Variants in INSR observed in about 807,000 individuals in gnomAD.
The protein encoded by INSR is IR.
INSR carries 67 observed loss-of-function variants against 142.6 expected under a neutral mutation model. That is an observed-to-expected ratio of 0.47 (90% CI 0.39 to 0.58). The LOEUF (loss-of-function observed/expected upper bound fraction) is 0.58, where lower values mean the gene tolerates loss of function less well. Ranked by LOEUF, INSR falls within the 20% of genes least tolerant of loss-of-function variation. INSR has a pLI of 0.00. For missense variants in INSR, 1,248 were observed against 1,833.2 expected, an observed-to-expected ratio of 0.68 and a Z score of 5.83; for synonymous variants, 756 against 743.1, an observed-to-expected ratio of 1.02 and a Z score of -0.28.
chr19:7,239,462 C>A (rs1976271747), intron 2 of INSR, among the ~76,000 whole-genome samples: 1 of 152,116 alleles, frequency 6.6e-6, no homozygotes, highest in Non-Finnish European at 1.5e-5. Context: ...TTTCCTGCAG[C>A]CTTGCCCACA....
rs9789298 is a variant in INSR, at chr19:7,142,671, C to T, written c.2542+145G>A. ...TCGCACCACTGTACTCCAGCCTGGG[C>T]GACAGAGCAAGGCTCCGTCTCAAAC... On this transcript the variant is annotated intron_variant, in intron 12 of 21. Transcript: ENST00000302850. 3,026 of 984,792 alleles carry T rather than the reference C, an allele frequency of 3.1e-3. 120 individuals carry two copies. In the East Asian group the frequency reaches 0.063, roughly 21 times the overall value. The allele number at this position is 984,792 out of a possible 1,614,324, so 61.0% of individuals were successfully genotyped here. A position where few individuals can be genotyped will look rare whatever the true frequency, so the allele number is the denominator to read the frequency against.
At chr19:7,117,466 C>T (rs1972364301) in intron 21 of INSR, 56 bp from the exon 22 acceptor site, 2 of 1,337,194 alleles carry the variant, frequency 1.5e-6, no homozygotes, top group Non-Finnish European at 2.1e-6. Context: ...CACGCATCCT[C>T]CCAAACCCCC....
chr19:7,130,497 G>C (rs1972748730), intron 14 of INSR, among the ~76,000 whole-genome samples: 1 of 152,170 alleles, frequency 6.6e-6, no homozygotes, highest in South Asian at 2.1e-4. Context: ...GGATCATGGA[G>C]GCGGTTTCTA....
rs72549233 is a variant in INSR at position 7,174,557 on chromosome 19, C to T, written c.1123+26G>A. On this transcript the variant is annotated intron_variant, in intron 4 of 21. Coordinates refer to ENST00000302850, the MANE Select transcript of INSR (RefSeq NM_000208.4). Reference sequence around the variant, plus strand: ...AGGGACATGGAGCCCAACAGGCACCCCCGACGCCCACACAGAGACACTCAC... The same window carrying T: ...AGGGACATGGAGCCCAACAGGCACCTCCGACGCCCACACAGAGACACTCAC... The T allele has an allele frequency of 3.8e-5, 61 of 1,612,926 alleles. No homozygotes were observed. The African/African-American group carries it at 6.2e-4, about 16-fold the overall frequency.
At chr19:7,173,659 G>A (rs1464304172) in intron 4 of INSR, among the ~76,000 whole-genome samples, 7 of 118,806 alleles carry the variant, frequency 5.9e-5, no homozygotes, top group Admixed American at 5.8e-4. Context: ...TCACTCTGTC[G>A]CCCAGGCTAG....
At chr19:7,197,593 T>TCAGATTCCAGAGTGGGA (rs1974800744) in intron 2 of INSR, among the ~76,000 whole-genome samples, 1 of 132,102 alleles carries the variant, frequency 7.6e-6, no homozygotes, top group East Asian at 2.3e-4. Context: ...TGTGTGTGTG[T>TCAGATTCCAGAGTGGGA]GTGTGTCAGA....
intron 3 of INSR, 41 bp from the exon 4 acceptor site, chr19:7,174,772 G>T: frequency 6.2e-7 from 1 of 1,600,202 alleles, no homozygotes. Flanking sequence ...GAAAGGGGAG[G>T]GGGGTGTCAC....
At position 7,153,025 on chromosome 19, in the gene INSR, A is replaced by C. The variant is rs1450871832; in HGVS notation, c.2030-98T>G. On this transcript the variant is annotated intron_variant, in intron 9 of 21. Coordinates refer to ENST00000302850, the MANE Select transcript of INSR (RefSeq NM_000208.4). The stretch of plus-strand genomic sequence containing the variant: ...ACACACACACACACCACACACACAC[A>C]CCACACACACACACACCACACACCC... 4 of 489,342 alleles carry C rather than the reference A, an allele frequency of 8.2e-6. No individual in the cohort carries two copies. In the African/African-American group the frequency reaches 2.3e-4, roughly 28 times the overall value. The allele number at this position is 489,342 out of a possible 1,614,324, so 30.3% of individuals were successfully genotyped here.
At position 7,172,337 on chromosome 19, in the gene INSR, G is replaced by C. The variant is rs1159621555; in HGVS notation, c.1221C>G (p.Ser407=). Residue 407 remains serine (S), a synonymous_variant, in exon 5 of 22, where the codon TCC becomes TCG. Transcript: ENST00000302850. The part of the protein sequence containing the change: ...IRRSYALVSL[S]FFRKLRLIRG... Reference sequence around the variant, plus strand: ...GAATCAGACGTAACTTCCGGAAGAAGGAAAGTGACACCAGAGCGTAGGATC... The same window carrying C: ...GAATCAGACGTAACTTCCGGAAGAACGAAAGTGACACCAGAGCGTAGGATC... The C allele has an allele frequency of 6.2e-7, 1 of 1,614,180 alleles. No individual in the cohort carries two copies. The highest frequency in any genetic ancestry group is 8.5e-7 in the Non-Finnish European group (1 of 1,180,030).
intron 2 of INSR, among the ~76,000 whole-genome samples, chr19:7,221,449 T>C (rs1239461207): frequency 3.3e-5 from 5 of 151,010 alleles, no homozygotes; most frequent in Non-Finnish European, 7.4e-5. Context: ...TGGCCACGCC[T>C]GTAATCCCAG....
chr19:7,166,501 A>T lies in INSR; in HGVS notation c.1611-97T>A. ...CTGGGAAGTTACATCCCATAGGGTC[A>T]CATGTTACTCACCCAACAATCTAAT... On this transcript the variant is annotated intron_variant, in intron 7 of 21. Transcript: ENST00000302850. This position sits in a 1 kb window ranked among gnomAD's most constrained non-coding sequence, Gnocchi z 4.1. 7.6e-7 allele frequency: 1 copy of T among 1,314,846 alleles called. No individual in the cohort carries two copies. The highest frequency in any genetic ancestry group is 1.4e-5 in the African/African-American group (1 of 69,040). 81.4% of individuals were successfully genotyped at this position (1,314,846 alleles called of 1,614,324 possible).
intron 1 of INSR, among the ~76,000 whole-genome samples, chr19:7,287,999 C>T (rs1968387088): frequency 6.6e-6 from 1 of 152,114 alleles, no homozygotes; most frequent in South Asian, 2.1e-4. Flanking sequence ...TTACAAAAAC[C>T]GTGGGATTTG....
intron 3 of INSR, among the ~76,000 whole-genome samples, chr19:7,177,686 C>G (rs1290046959): frequency 6.8e-6 from 1 of 147,886 alleles, no homozygotes; most frequent in African/African-American, 2.5e-5. Flanking sequence ...CACCACCATG[C>G]CCCATCTAAT....
intron 1 of INSR, among the ~76,000 whole-genome samples, chr19:7,275,392 A>T (rs1357774986): frequency 1.3e-5 from 2 of 152,156 alleles, no homozygotes; most frequent in African/African-American, 4.8e-5. Flanking sequence ...TATATGGGAG[A>T]GTTTTCCAGT....
chr19:7,130,840 C>CTTTCTT (rs548478727), intron 14 of INSR, among the ~76,000 whole-genome samples: 1 of 150,158 alleles, frequency 6.7e-6, no homozygotes, highest in African/African-American at 2.5e-5. Context: ...CTTTCCTTTT[C>CTTTCTT]TTTCTTTTTC....
Position 7,192,781 on chromosome 19 carries a change from C to T in INSR, c.653-8144G>A, listed in dbSNP as rs1568476755. On this transcript the variant is annotated intron_variant, in intron 2 of 21. Coordinates refer to ENST00000302850, the MANE Select transcript of INSR (RefSeq NM_000208.4). The surrounding 1 kb of genome is among the most constrained non-coding windows in gnomAD (Gnocchi z 4.2). ...ATTGAGCTGCTGGTCCCAATTTTCC[C>T]CCAGTTCTCCCTAAACCTCCCAAAA... is the stretch of plus-strand genomic sequence containing the variant. Among the ~76,000 whole-genome samples the T allele has an allele frequency of 6.6e-6, 1 of 152,200 alleles. No homozygotes were observed. Among genetic ancestry groups the T allele is most frequent in the Non-Finnish European group, 1.5e-5 (1 of 68,046 alleles).
At chr19:7,163,948 A>AAAAAAAAAAAAT (rs1411048837) in intron 8 of INSR, among the ~76,000 whole-genome samples, 9 of 136,138 alleles carry the variant, frequency 6.6e-5, no homozygotes, top group African/African-American at 1.6e-4. Flanking sequence ...AAAAAAAAAA[A>AAAAAAAAAAAAT]ATTAGCTGGA....
intron 13 of INSR, 63 bp from the exon 14 acceptor site, chr19:7,132,380 C>G (rs2144832613): frequency 7.0e-6 from 11 of 1,564,158 alleles, no homozygotes; most frequent in Non-Finnish European, 9.6e-6. Context: ...AGTGTCCACC[C>G]CTCGCAGGGA....
At chr19:7,134,873 G>A (rs1017152622) in intron 13 of INSR, among the ~76,000 whole-genome samples, 3 of 152,034 alleles carry the variant, frequency 2.0e-5, no homozygotes, top group Non-Finnish European at 4.4e-5. Context: ...GATTTGCAAA[G>A]TGGGAAACAT....
Sources: allele counts gnomAD v4.1 joint callset (sites outside exome capture counted in the v4.1 genomes callset), GRCh38; gene constraint gnomAD v4.1.1; non-coding constraint Gnocchi (gnomAD v3.1); transcripts MANE v1.5; gene names NCBI Gene and HGNC (gene_info 2026-07-23, HGNC 2026-07-21).